AQR: variants seen among roughly 807,000 people sequenced by gnomAD.
AQR encodes aquarius intron-binding spliceosomal factor.
In AQR, 61 loss-of-function variants were observed where a neutral mutation model predicts 180.5. The observed-to-expected ratio is 0.34, with a 90% confidence interval of 0.28 to 0.42. The LOEUF (loss-of-function observed/expected upper bound fraction) is 0.42, where lower values mean the gene tolerates loss of function less well. Among genes scored for constraint, AQR ranks in the 10% least tolerant of loss-of-function variants. The probability of loss-of-function intolerance (pLI) is 1.00; values close to 1 mark genes in which losing one functional copy is unlikely to be tolerated. For synonymous variants in AQR, 551 were observed against 588.8 expected (o/e 0.94, Z 0.93); for missense variants, 1,281 against 1,798.3 (o/e 0.71, Z 5.20).
chr15:34,884,762 T>C (rs1893032457), intron 25 of AQR, 28 bp from the exon 26 acceptor site: 1 of 1,499,212 alleles, frequency 6.7e-7, no homozygotes, highest in African/African-American at 1.4e-5. Flanking sequence ...TGAAGTTAAC[T>C]GCCAGCTAAT....
Position 34,859,941 on chromosome 15 carries a change from C to G in AQR, c.4143+101G>C, listed in dbSNP as rs984642643. The G allele has an allele frequency of 2.2e-5, 11 of 491,584 alleles. No individual in the cohort carries two copies. In the East Asian group the frequency reaches 3.8e-4, roughly 17 times the overall value. 30.5% of individuals were successfully genotyped at this position (491,584 alleles called of 1,614,324 possible). A position where few individuals can be genotyped will look rare whatever the true frequency, so the allele number is the denominator to read the frequency against. On this transcript the variant is annotated intron_variant, in intron 34 of 34. Coordinates refer to ENST00000156471, the MANE Select transcript of AQR (RefSeq NM_014691.3). ...ATAATAATAGCCTGCTTTAGTTTAG[C>G]TGATTTCCCACAAGGAATTAGGTAC...
intron 32 of AQR, among the ~76,000 whole-genome samples, chr15:34,865,600 T>C (rs921229541): frequency 7.9e-5 from 12 of 152,278 alleles, no homozygotes; most frequent in East Asian, 5.8e-4. Context: ...CACATAAAAA[T>C]TGTATATGCA....
Position 34,875,919 on chromosome 15 carries a change from A to T in AQR, c.3237+16T>A. ...TAGAACTCTATTTTCTTTGCCTCAG[A>T]TCTTATATTTCTTACCTGTAGAAGA... On this transcript the variant is annotated intron_variant, in intron 28 of 34. Coordinates refer to ENST00000156471, the MANE Select transcript of AQR (RefSeq NM_014691.3). 1 of 1,588,270 alleles carries T rather than the reference A, an allele frequency of 6.3e-7. No homozygotes were observed. Among genetic ancestry groups the T allele is most frequent in the Non-Finnish European group, 8.6e-7 (1 of 1,157,214 alleles).
intron 24 of AQR, among the ~76,000 whole-genome samples, chr15:34,889,139 C>A (rs1182764918): frequency 6.6e-6 from 1 of 152,180 alleles, no homozygotes; most frequent in Non-Finnish European, 1.5e-5. Context: ...ATTTTAGAGT[C>A]TAACCTACCT....
At chr15:34,933,096 G>T (rs929774681) in intron 10 of AQR, among the ~76,000 whole-genome samples, 4 of 152,190 alleles carry the variant, frequency 2.6e-5, no homozygotes, top group South Asian at 2.1e-4. Context: ...GAGAAAAAAG[G>T]AAGTACAAAT....
At position 34,969,604 on chromosome 15, in the gene AQR, G is replaced by A. The variant is rs748514097; in HGVS notation, c.10C>T (p.Pro4Ser). The A allele has an allele frequency of 8.7e-6, 14 of 1,613,150 alleles. No homozygotes were observed. The highest frequency in any genetic ancestry group is 5.3e-5 in the African/African-American group (4 of 74,886). The change falls in exon 1 of 35, where the codon CCT becomes TCT. Residue 4 changes from proline to serine, a missense_variant. Coordinates refer to ENST00000156471, the MANE Select transcript of AQR (RefSeq NM_014691.3). ...GCCACGATCTTCTTGGGCTGCGCAG[G>A]GGCTGCCATGGCAGCACTCTTCCCT... is the stretch of plus-strand genomic sequence containing the variant. MAA[P>S]AQPKKIVAPT...
intron 32 of AQR, among the ~76,000 whole-genome samples, chr15:34,865,431 T>G (rs1014431209): frequency 6.6e-6 from 1 of 151,928 alleles, no homozygotes; most frequent in Non-Finnish European, 1.5e-5. Context: ...AATCACCCAA[T>G]TAGTCCACCC....
chr15:34,944,096 T>C (rs1894071962), intron 6 of AQR, among the ~76,000 whole-genome samples, 192 bp downstream of exon 6: 1 of 152,208 alleles, frequency 6.6e-6, no homozygotes, highest in African/African-American at 2.4e-5. Flanking sequence ...AGTGAACATA[T>C]CTTATAAAAA....
rs80318875 is a variant in AQR, at chr15:34,923,295, C to T, written c.1119-2861G>A. 5.6e-3 allele frequency among the ~76,000 whole-genome samples: 860 copies of T among 152,220 alleles called. 6 individuals are homozygous for T. Among genetic ancestry groups the T allele is most frequent in the African/African-American group, 0.018 (758 of 41,532 alleles). ...CTGGGGTTCTGGAACACATCCCCTG[C>T]GGAAAGTAGGGGGCTGCTGTATTGA... On this transcript the variant is annotated intron_variant, in intron 13 of 34. Transcript: ENST00000156471.
Position 34,918,494 on chromosome 15 carries a change from T to C in AQR, c.1222-116A>G. The stretch of plus-strand genomic sequence containing the variant: ...TATTGTAGCAGTTCAACAAGCGATT[T>C]TTTTTTCTTTTCCTATTTTCTCCAT... On this transcript the variant is annotated intron_variant, in intron 14 of 34. Transcript: ENST00000156471. The C allele has an allele frequency of 2.5e-6, 3 of 1,223,628 alleles. No individual in the cohort carries two copies. In the South Asian group the frequency reaches 4.7e-5, roughly 19 times the overall value. 75.8% of individuals were successfully genotyped at this position (1,223,628 alleles called of 1,614,324 possible).
At chr15:34,963,985 T>C (rs1421086198) in intron 2 of AQR, among the ~76,000 whole-genome samples, 1 of 152,148 alleles carries the variant, frequency 6.6e-6, no homozygotes, top group Non-Finnish European at 1.5e-5. Flanking sequence ...TGTTAAGGCT[T>C]AAAGAAAATA....
At chr15:34,863,260 G>T (rs960550106) in intron 32 of AQR, 4 of 441,520 alleles carry the variant, frequency 9.1e-6, no homozygotes, top group Non-Finnish European at 1.2e-5. Context: ...TTTTTGAAGG[G>T]GAGGATCACA....
chr15:34,959,855 T>C (rs1013863080), intron 3 of AQR, among the ~76,000 whole-genome samples: 2 of 152,188 alleles, frequency 1.3e-5, no homozygotes, highest in African/African-American at 4.8e-5. Context: ...CAAATCCAAA[T>C]TCTTGCTGGG....
At chr15:34,947,805 A>G (rs1440722855) in intron 5 of AQR, among the ~76,000 whole-genome samples, 1 of 151,876 alleles carries the variant, frequency 6.6e-6, no homozygotes, top group Non-Finnish European at 1.5e-5. Flanking sequence ...ATGCCTGGCT[A>G]ATTTTTTCTT....
intron 13 of AQR, among the ~76,000 whole-genome samples, chr15:34,925,067 A>C (rs1415160362): frequency 6.6e-6 from 1 of 152,172 alleles, no homozygotes; most frequent in Non-Finnish European, 1.5e-5. Flanking sequence ...AAATATCTGT[A>C]ATGACAAAAG....
At chr15:34,954,513 C>T (rs1311062933) in intron 3 of AQR, among the ~76,000 whole-genome samples, 1 of 151,812 alleles carries the variant, frequency 6.6e-6, no homozygotes, top group Non-Finnish European at 1.5e-5. Context: ...CACTATGTTG[C>T]CCAGACTGGT....
chr15:34,967,764 G>C (rs2140512096), intron 1 of AQR, among the ~76,000 whole-genome samples: 1 of 152,252 alleles, frequency 6.6e-6, no homozygotes, highest in East Asian at 1.9e-4. Flanking sequence ...ACACTATGAA[G>C]GATTTCAGCC....
chr15:34,946,780 G>C (rs1057507080), intron 5 of AQR, among the ~76,000 whole-genome samples: 1 of 146,928 alleles, frequency 6.8e-6, no homozygotes, highest in Admixed American at 6.7e-5. Flanking sequence ...CCCCCCGCCC[G>C]GCCAGCTGCC....
chr15:34,890,067 T>C (rs1893120231), intron 24 of AQR, 148 bp downstream of exon 24: 1 of 611,246 alleles, frequency 1.6e-6, no homozygotes, highest in Non-Finnish European at 2.7e-6. Context: ...TGACCATATT[T>C]CTAGCTCAAC....
Sources: gnomAD v4.1 joint callset for allele counts (sites outside exome capture counted in the v4.1 genomes callset) on GRCh38, gnomAD v4.1.1 for gene constraint, MANE v1.5 for transcripts, NCBI Gene and HGNC (gene_info 2026-07-23, HGNC 2026-07-21) for gene names.